ZNF782: variants seen among roughly 807,000 people sequenced by gnomAD.
ZNF782 encodes the protein zinc finger protein 782.
A neutral mutation model predicts 13.0 loss-of-function variants in ZNF782; 12 were observed. That is an observed-to-expected ratio of 0.92 (90% CI 0.59 to 1.50). The LOEUF (loss-of-function observed/expected upper bound fraction) is 1.50. Ranked by LOEUF, ZNF782 falls within the 40% of genes most tolerant of loss-of-function variation. ZNF782 has a pLI of 0.00. For missense variants in ZNF782, 770 were observed against 822.9 expected, an observed-to-expected ratio of 0.94 and a Z score of 0.79; for synonymous variants, 284 against 283.0, an observed-to-expected ratio of 1.00 and a Z score of -0.04.
upstream of ZNF782, among the ~76,000 whole-genome samples, chr9:96,880,461 G>A (rs962549424): frequency 6.6e-6 from 1 of 152,140 alleles, no homozygotes; most frequent in African/African-American, 2.4e-5. Context: ...TTTTCTTCTA[G>A]CTCTAGTTTT....
At position 96,850,653 on chromosome 9, in the gene ZNF782, A is replaced by C. The variant is rs907407844; in HGVS notation, c.15+1294T>G. Among the ~76,000 whole-genome samples the C allele has an allele frequency of 1.3e-5, 2 of 152,216 alleles. No individual in the cohort carries two copies. Among genetic ancestry groups the C allele is most frequent in the African/African-American group, 4.8e-5 (2 of 41,456 alleles). On this transcript the variant is annotated intron_variant, in intron 3 of 5. Coordinates refer to ENST00000481138, the MANE Select transcript of ZNF782 (RefSeq NM_001001662.3). The surrounding 1 kb of genome is among the most constrained non-coding windows in gnomAD (Gnocchi z 4.3). The stretch of plus-strand genomic sequence containing the variant: ...AGAAACCACTTGTACCCCAAAAGCT[A>C]TTGAAATAAAACATTTTAAAGAAAT...
chr9:96,906,046 T>C, the ZNF782 span, among the ~76,000 whole-genome samples: 2 of 152,390 alleles, frequency 1.3e-5, no homozygotes, highest in African/African-American at 4.8e-5. Context: ...TTGAGCACTG[T>C]TGTCATGAGA....
upstream of ZNF782, chr9:96,875,738 G>C: frequency 2.6e-6 from 1 of 380,638 alleles, no homozygotes; most frequent in Non-Finnish European, 5.2e-6. Flanking sequence ...TGAATCACAA[G>C]CCCCATTCTC....
chr9:96,848,315 G>A (rs1190390566), intron 3 of ZNF782, among the ~76,000 whole-genome samples: 2 of 152,134 alleles, frequency 1.3e-5, no homozygotes, highest in African/African-American at 4.8e-5. Flanking sequence ...CCTAGCCAGA[G>A]CAATTAGTCA....
the ZNF782 span, among the ~76,000 whole-genome samples, chr9:96,923,154 T>C: frequency 8.8e-5 from 13 of 148,500 alleles, no homozygotes; most frequent in Admixed American, 4.7e-4. Context: ...AAAACATTCA[T>C]CCAAACTGCC....
At position 96,818,784 on chromosome 9, in the gene ZNF782, CTGA is replaced by C. The variant is rs1162489524; in HGVS notation, c.1236_1238del (p.His412del). The C allele has an allele frequency of 6.2e-7, 1 of 1,613,520 alleles. No homozygotes were observed. The highest frequency in any genetic ancestry group is 1.3e-5 in the African/African-American group (1 of 74,752). ...ATGGTTTCTCTCCCGTGTGAGTTCTCTGATGTTTTCTTAGGCGTGACTTCTCAC... is the reference window on the plus strand; with the variant it reads ...ATGGTTTCTCTCCCGTGTGAGTTCTCTGTTTTCTTAGGCGTGACTTCTCAC... On this transcript the variant is annotated inframe_deletion, in exon 6 of 6. Transcript: ENST00000481138.
chr9:96,865,532 A>T (rs890446373), intron 1 of ZNF782, among the ~76,000 whole-genome samples: 1 of 152,302 alleles, frequency 6.6e-6, no homozygotes, highest in Middle Eastern at 3.4e-3. Flanking sequence ...TTCTTTTGTA[A>T]ATTGACCAGT....
the ZNF782 span, chr9:96,892,234 A>G: frequency 1.3e-5 from 2 of 152,156 alleles, no homozygotes; most frequent in Non-Finnish European, 2.9e-5. Context: ...GGGAATGTTC[A>G]CAGCAGCATT....
the ZNF782 span, chr9:96,888,119 GTAAC>G: frequency 1.3e-5 from 2 of 150,922 alleles, no homozygotes; most frequent in Admixed American, 1.3e-4. Flanking sequence ...GTATATGTAT[GTAAC>G]TAACATGCAT....
chr9:96,911,307 C>T, the ZNF782 span, among the ~76,000 whole-genome samples: 68 of 143,704 alleles, frequency 4.7e-4, 1 homozygote, highest in African/African-American at 1.5e-3. Context: ...GGCGCGGTGG[C>T]GGGCGCCTGT....
the ZNF782 span, among the ~76,000 whole-genome samples, chr9:96,902,727 T>C: frequency 1.2e-4 from 18 of 145,384 alleles, 1 homozygote; most frequent in African/African-American, 4.6e-4. Flanking sequence ...TATATTTTAA[T>C]TTTAAGTTAG....
the ZNF782 span, among the ~76,000 whole-genome samples, chr9:96,926,654 G>A: frequency 5.3e-5 from 8 of 151,944 alleles, no homozygotes; most frequent in Non-Finnish European, 1.2e-4. Context: ...GAACTCATGA[G>A]GATATTGGAT....
intron 5 of ZNF782, among the ~76,000 whole-genome samples, chr9:96,824,553 A>T (rs1223957487): frequency 2.6e-5 from 4 of 150,988 alleles, no homozygotes; most frequent in African/African-American, 9.8e-5. Flanking sequence ...AGTTCTGGCC[A>T]GGGCAATTAG....
intron 1 of ZNF782, among the ~76,000 whole-genome samples, chr9:96,866,067 A>G (rs569402280): frequency 6.6e-6 from 1 of 152,308 alleles, no homozygotes; most frequent in South Asian, 2.1e-4. Flanking sequence ...TGTGATAGAA[A>G]AGAAAATCCC....
intron 5 of ZNF782, among the ~76,000 whole-genome samples, chr9:96,826,284 T>C (rs1295213751): frequency 6.6e-6 from 1 of 151,806 alleles, no homozygotes; most frequent in Admixed American, 6.6e-5. Context: ...TCATTCTCAG[T>C]AAACTATCGC....
At chr9:96,883,231 C>G in the ZNF782 span, among the ~76,000 whole-genome samples, 1 of 152,084 alleles carries the variant, frequency 6.6e-6, no homozygotes, top group Non-Finnish European at 1.5e-5. Context: ...GGTGTGGAGA[C>G]AAGCCACCTG....
intron 1 of ZNF782, among the ~76,000 whole-genome samples, chr9:96,864,257 A>G (rs1351867390): frequency 6.6e-6 from 1 of 151,852 alleles, no homozygotes; most frequent in Non-Finnish European, 1.5e-5. Context: ...ATCTGTAGGC[A>G]TAATGGTTTT....
chr9:96,859,685 G>A (rs1025529261), intron 3 of ZNF782, among the ~76,000 whole-genome samples: 9 of 152,130 alleles, frequency 5.9e-5, no homozygotes, highest in Admixed American at 5.2e-4. Context: ...GTGTGACCCC[G>A]CACATTCCCA....
chr9:96,832,871 T>C (rs1002694817), intron 4 of ZNF782, among the ~76,000 whole-genome samples: 1 of 152,182 alleles, frequency 6.6e-6, no homozygotes, highest in African/African-American at 2.4e-5. Flanking sequence ...TTTGCCACAT[T>C]TGTGAAAATT....
Sources: allele counts gnomAD v4.1 joint callset (sites outside exome capture counted in the v4.1 genomes callset), GRCh38; gene constraint gnomAD v4.1.1; non-coding constraint Gnocchi (gnomAD v3.1); transcripts MANE v1.5; gene names NCBI Gene and HGNC (gene_info 2026-07-23, HGNC 2026-07-21).